The following DPP6 variants were observed in gnomAD, a reference collection of about 807,000 sequenced individuals.
DPP6 encodes the protein dipeptidyl peptidase like 6.
Under a neutral mutation model 122.6 loss-of-function variants are expected in DPP6, and 69 were observed. That is an observed-to-expected ratio of 0.56 (90% CI 0.46 to 0.69). The LOEUF (loss-of-function observed/expected upper bound fraction) is 0.69, where lower values mean the gene tolerates loss of function less well. Ranked by LOEUF, DPP6 falls within the 30% of genes least tolerant of loss-of-function variation. The pLI, the probability that DPP6 is intolerant of heterozygous loss-of-function variation, is 0.00. For missense variants in DPP6, 928 were observed against 1,116.9 expected (o/e 0.83, Z 2.41); for synonymous variants, 418 against 433.1 (o/e 0.97, Z 0.43).
At position 154,151,296 on chromosome 7, in the gene DPP6, A is replaced by G. The variant is rs139879288; in HGVS notation, c.243+98233A>G. On this transcript the variant is annotated intron_variant, in intron 1 of 25. Coordinates refer to ENST00000377770, the MANE Select transcript of DPP6 (RefSeq NM_130797.4). ...CACCTCCTCCCTAGACCTTCTCAGC[A>G]GCCCCTGGCTTGTCTCTGAGCTGCG... 3.8e-3 allele frequency among the ~76,000 whole-genome samples: 576 copies of G among 152,230 alleles called. 3 individuals carry two copies. The highest frequency in any genetic ancestry group is 0.013 in the African/African-American group (549 of 41,518).
intron 1 of DPP6, among the ~76,000 whole-genome samples, chr7:154,005,929 C>T (rs1797895899): frequency 6.6e-6 from 1 of 152,184 alleles, no homozygotes; most frequent in African/African-American, 2.4e-5. Context: ...ACTACCTAGG[C>T]ACTGAGCTCC....
chr7:154,079,158 G>C (rs185099031), intron 1 of DPP6, among the ~76,000 whole-genome samples: 158 of 152,210 alleles, frequency 1.0e-3, no homozygotes, highest in Non-Finnish European at 7.3e-5. Context: ...TCGCACCACT[G>C]TACTCCATCC....
In DPP6 at chr7:154,795,857, G is replaced by A; in HGVS notation, c.1273G>A (p.Glu425Lys). 4.3e-6 allele frequency: 7 copies of A among 1,612,130 alleles called. No homozygotes were observed. The highest frequency in any genetic ancestry group is 5.9e-6 in the Non-Finnish European group (7 of 1,179,158). The change falls in exon 12 of 26, where the codon GAA (glutamate) becomes AAA (lysine). Residue 425 changes from glutamate to lysine, a missense_variant. Transcript: ENST00000377770. ...TGVCTKKHED[E>K]SEAWLHRQNE... Reference sequence around the variant, plus strand: ...CATTTCATTTCAGAAACACGAGGATGAAAGTGAGGCCTGGCTCCACAGACA... The same window carrying A: ...CATTTCATTTCAGAAACACGAGGATAAAAGTGAGGCCTGGCTCCACAGACA...
intron 1 of DPP6, among the ~76,000 whole-genome samples, chr7:154,144,407 A>G (rs1795991612): frequency 6.6e-6 from 1 of 152,028 alleles, no homozygotes; most frequent in Non-Finnish European, 1.5e-5. Flanking sequence ...ATTTAGCCAA[A>G]TTTACCAATC....
intron 10 of DPP6, among the ~76,000 whole-genome samples, chr7:154,783,355 T>C (rs1221737089): frequency 1.3e-5 from 2 of 152,130 alleles, no homozygotes; most frequent in Admixed American, 6.5e-5. Context: ...TGCTTCCTTC[T>C]AGGCAGCAGT....
intron 1 of DPP6, among the ~76,000 whole-genome samples, chr7:154,391,925 C>A (rs10260694): frequency 0.92 from 139,985 of 152,206 alleles, 64,634 homozygotes; most frequent in East Asian, 1. Context: ...GACCATATTA[C>A]CAGAAGAAAG....
chr7:153,969,373 C>T (rs1795916103), intron 1 of DPP6, among the ~76,000 whole-genome samples: 2 of 146,306 alleles, frequency 1.4e-5, no homozygotes, highest in South Asian at 4.2e-4. Flanking sequence ...TTTGTTCGAG[C>T]TGCTTTAACA....
chr7:154,183,919 T>C (rs1032093834), intron 1 of DPP6, among the ~76,000 whole-genome samples: 1 of 152,246 alleles, frequency 6.6e-6, no homozygotes, highest in Non-Finnish European at 1.5e-5. Context: ...CTGCACTATT[T>C]GCGGAGGCAT....
intron 1 of DPP6, among the ~76,000 whole-genome samples, chr7:153,916,124 G>A (rs1483751940): frequency 1.3e-5 from 2 of 151,292 alleles, no homozygotes; most frequent in East Asian, 2.0e-4. Flanking sequence ...CCGCCACTGC[G>A]CCTGGCTAAT....
intron 6 of DPP6, among the ~76,000 whole-genome samples, chr7:154,647,602 G>T (rs1021531946): frequency 2.0e-5 from 3 of 152,070 alleles, no homozygotes; most frequent in Admixed American, 6.6e-5. Flanking sequence ...CCTCACATGT[G>T]CCCTGGGCTC....
intron 9 of DPP6, among the ~76,000 whole-genome samples, chr7:154,770,160 T>C (rs1169410016): frequency 7.9e-5 from 12 of 152,148 alleles, no homozygotes; most frequent in African/African-American, 2.7e-4. Flanking sequence ...GATTAAGACA[T>C]ACCCAAGACT....
At chr7:153,889,189 G>A (rs1799081460) in intron 1 of DPP6, among the ~76,000 whole-genome samples, 1 of 152,198 alleles carries the variant, frequency 6.6e-6, no homozygotes, top group African/African-American at 2.4e-5. Context: ...TCTAGGGGCG[G>A]TTCGCAGTCC....
chr7:154,801,545 C>T, intron 13 of DPP6, 83 bp downstream of exon 13: 1 of 1,457,410 alleles, frequency 6.9e-7, no homozygotes, highest in South Asian at 1.5e-5. Flanking sequence ...GCTGGGCACA[C>T]TTGCGTTTTC....
chr7:154,499,659 T>TA (rs138794922), intron 3 of DPP6, among the ~76,000 whole-genome samples: 15,848 of 152,088 alleles, frequency 0.1, 2,612 homozygotes, highest in African/African-American at 0.35. Context: ...TAGGGAATAA[T>TA]AAAAAAATTC....
chr7:153,807,522 A>G, the DPP6 span, among the ~76,000 whole-genome samples: 1 of 151,986 alleles, frequency 6.6e-6, no homozygotes, highest in Non-Finnish European at 1.5e-5. Flanking sequence ...GGCATCGTAG[A>G]AAAATAAAGT....
intron 3 of DPP6, among the ~76,000 whole-genome samples, chr7:154,494,956 A>C (rs1048967379): frequency 1.3e-5 from 2 of 152,228 alleles, no homozygotes; most frequent in African/African-American, 4.8e-5. Context: ...GGGAGAATAC[A>C]GAGAAATGGC....
chr7:154,441,974 C>T (rs1819416299), intron 1 of DPP6, among the ~76,000 whole-genome samples: 1 of 152,204 alleles, frequency 6.6e-6, no homozygotes, highest in Non-Finnish European at 1.5e-5. Context: ...GTATGAGCAG[C>T]AGTGATGTCG....
the DPP6 span, among the ~76,000 whole-genome samples, chr7:153,801,845 A>G: frequency 6.6e-6 from 1 of 152,078 alleles, no homozygotes; most frequent in African/African-American, 2.4e-5. Context: ...TTAAAAGTTA[A>G]CTGGACTCTT....
intron 7 of DPP6, among the ~76,000 whole-genome samples, chr7:154,671,107 C>T (rs187724841): frequency 1.3e-5 from 2 of 152,294 alleles, no homozygotes; most frequent in Admixed American, 1.3e-4. Flanking sequence ...GAAAAAAATG[C>T]AATTTGATAA....
Sources: allele counts gnomAD v4.1 joint callset (sites outside exome capture counted in the v4.1 genomes callset), GRCh38; gene constraint gnomAD v4.1.1; transcripts MANE v1.5; gene names NCBI Gene and HGNC (gene_info 2026-07-23, HGNC 2026-07-21).